Variants in NAA30 observed in about 807,000 individuals in gnomAD.
The protein encoded by NAA30 is N-alpha-acetyltransferase 30, NatC catalytic subunit.
NAA30 carries 5 observed loss-of-function variants against 31.4 expected under a neutral mutation model. That is an observed-to-expected ratio of 0.16 (90% CI 0.08 to 0.33). The LOEUF (loss-of-function observed/expected upper bound fraction) is 0.33. NAA30 is among the 10% of genes least tolerant of loss of function. The pLI is 1.00. For synonymous variants in NAA30, 222 were observed against 207.1 expected (o/e 1.07, Z -0.62); for missense variants, 428 against 490.8 (o/e 0.87, Z 1.21).
intron 4 of NAA30, among the ~76,000 whole-genome samples, chr14:57,402,352 C>T (rs899172703): frequency 1.3e-5 from 2 of 152,178 alleles, no homozygotes; most frequent in African/African-American, 4.8e-5. Flanking sequence ...GAGATGCCTT[C>T]TCTTGTTTGT....
chr14:57,404,118 G>A lies in NAA30; in HGVS notation c.951+4235G>A, dbSNP rs1313804499. On this transcript the variant is annotated intron_variant, in intron 4 of 4. Transcript: ENST00000556492. The stretch of plus-strand genomic sequence containing the variant: ...GGGTGGATCACGAGGTCAGGAGTTC[G>A]AGACCAGCCTGGCCAATATGGTGAA... Among the ~76,000 whole-genome samples, 5 of 152,048 alleles carry A rather than the reference G, an allele frequency of 3.3e-5. No individual in the cohort carries two copies. The East Asian group carries it at 7.7e-4, about 23-fold the overall frequency.
chr14:57,399,970 A>G, intron 4 of NAA30, 87 bp downstream of exon 4: 1 of 682,478 alleles, frequency 1.5e-6, no homozygotes, highest in East Asian at 2.8e-5. Context: ...TTTATTGCAG[A>G]TTTCATTGCA....
At chr14:57,395,055 G>A (rs757357318) in intron 2 of NAA30, among the ~76,000 whole-genome samples, 1 of 152,090 alleles carries the variant, frequency 6.6e-6, no homozygotes, top group Non-Finnish European at 1.5e-5. Flanking sequence ...TTCAGAGTTG[G>A]TCGAGGCGAT....
chr14:57,397,687 G>A (rs1251040424), intron 3 of NAA30, among the ~76,000 whole-genome samples: 2 of 152,220 alleles, frequency 1.3e-5, no homozygotes, highest in African/African-American at 2.4e-5. Flanking sequence ...AGCATTTTGG[G>A]AGGCCAAGGC....
rs144907256 is a variant in NAA30 at position 57,403,096 on chromosome 14, G to A, written c.951+3213G>A. On this transcript the variant is annotated intron_variant, in intron 4 of 4. Transcript: ENST00000556492. ...CTCGGGAGGCTGAGGCAGGAGAATCGCTTGAACCCGAGAGGTGGAAGTTGC... is the reference window on the plus strand; with the variant it reads ...CTCGGGAGGCTGAGGCAGGAGAATCACTTGAACCCGAGAGGTGGAAGTTGC... 1.4e-3 allele frequency among the ~76,000 whole-genome samples: 215 copies of A among 152,232 alleles called. 3 individuals are homozygous for A. The East Asian group carries it at 0.035, about 25-fold the overall frequency.
At chr14:57,392,632 G>A (rs1008316708) in intron 2 of NAA30, among the ~76,000 whole-genome samples, 1 of 152,192 alleles carries the variant, frequency 6.6e-6, no homozygotes, top group Non-Finnish European at 1.5e-5. Flanking sequence ...GACTGCAGGT[G>A]TATGCTTTGT....
chr14:57,401,051 C>T (rs1002307848), intron 4 of NAA30, among the ~76,000 whole-genome samples: 3 of 152,112 alleles, frequency 2.0e-5, no homozygotes, highest in Non-Finnish European at 4.4e-5. Flanking sequence ...CTACTGTTAA[C>T]TGTTTGAAAT....
Position 57,391,174 on chromosome 14 carries a change from C to G in NAA30, c.217C>G (p.Arg73Gly), listed in dbSNP as rs766397098. Reference protein sequence around the residue: ...TVAAKGHPCLRCPQPPQEQQQ... With the variant: ...TVAAKGHPCLGCPQPPQEQQQ... ...GGCGGCCAAGGGGCATCCGTGCCTCCGCTGCCCTCAGCCGCCGCAGGAGCA... is the reference window on the plus strand; with the variant it reads ...GGCGGCCAAGGGGCATCCGTGCCTCGGCTGCCCTCAGCCGCCGCAGGAGCA... Residue 73 changes from arginine to glycine, a missense_variant, in exon 2 of 5, where the codon CGC (arginine) becomes GGC (glycine). Transcript: ENST00000556492. The surrounding 1 kb of genome is among the most constrained non-coding windows in gnomAD (Gnocchi z 4.1). 42 of 1,609,400 alleles carry G rather than the reference C, an allele frequency of 2.6e-5. No individual in the cohort carries two copies. In the Middle Eastern group the frequency reaches 5.2e-4, roughly 20 times the overall value.
intron 4 of NAA30, among the ~76,000 whole-genome samples, chr14:57,402,045 A>G (rs2066479713): frequency 1.3e-5 from 2 of 152,230 alleles, no homozygotes; most frequent in Admixed American, 1.3e-4. Flanking sequence ...TCTCTGGATT[A>G]GATAACTTTG....
In NAA30 at chr14:57,396,743, A is replaced by G. The variant is rs374131653; in HGVS notation, c.772-9A>G. 1.9e-6 allele frequency: 3 copies of G among 1,613,824 alleles called. No homozygotes were observed. The highest frequency in any genetic ancestry group is 2.5e-6 in the Non-Finnish European group (3 of 1,179,812). On this transcript the variant is annotated splice_polypyrimidine_tract_variant and intron_variant, in intron 2 of 4. Coordinates refer to ENST00000556492, the MANE Select transcript of NAA30 (RefSeq NM_001011713.3). ...ATGTATTCTTCATAACTGTTTGTTTATTTTTAAGGCCATGGTAGGGGAGGA... is the reference window on the plus strand; with the variant it reads ...ATGTATTCTTCATAACTGTTTGTTTGTTTTTAAGGCCATGGTAGGGGAGGA...
Position 57,412,047 on chromosome 14 carries a change from A to G in NAA30, c.*2531A>G, listed in dbSNP as rs761227436. On this transcript the variant is annotated 3_prime_UTR_variant, in exon 5 of 5. Transcript: ENST00000556492. Reference sequence around the variant, plus strand: ...TTGGTACTGCTGAACATTTTTATACATGCTACCATGAAGCTATATATGTTA... The same window carrying G: ...TTGGTACTGCTGAACATTTTTATACGTGCTACCATGAAGCTATATATGTTA... 2 of 152,058 alleles carry G rather than the reference A, an allele frequency of 1.3e-5. No individual in the cohort carries two copies. Among genetic ancestry groups the G allele is most frequent in the Non-Finnish European group, 2.9e-5 (2 of 67,988 alleles). 9.4% of individuals were successfully genotyped at this position (152,058 alleles called of 1,614,324 possible). A position where few individuals can be genotyped will look rare whatever the true frequency, so the allele number is the denominator to read the frequency against.
intron 4 of NAA30, among the ~76,000 whole-genome samples, chr14:57,407,070 T>G (rs941613158): frequency 6.6e-6 from 1 of 151,898 alleles, no homozygotes; most frequent in Non-Finnish European, 1.5e-5. Flanking sequence ...ATTTTTAAGG[T>G]TTTTTAGACA....
Position 57,414,287 on chromosome 14 carries a change from T to G in NAA30, c.*4771T>G, listed in dbSNP as rs1259335406. 6.6e-6 allele frequency: 1 copy of G among 152,352 alleles called. No homozygotes were observed. Among genetic ancestry groups the G allele is most frequent in the South Asian group, 2.1e-4 (1 of 4,828 alleles). 9.4% of individuals were successfully genotyped at this position (152,352 alleles called of 1,614,324 possible). A position where few individuals can be genotyped will look rare whatever the true frequency, so the allele number is the denominator to read the frequency against. ...CCTCTGAGCAAGAGTATAGCTGAACTGTTTATACTGACAATATATTTCATT... is the reference window on the plus strand; with the variant it reads ...CCTCTGAGCAAGAGTATAGCTGAACGGTTTATACTGACAATATATTTCATT... On this transcript the variant is annotated 3_prime_UTR_variant, in exon 5 of 5. Coordinates refer to ENST00000556492, the MANE Select transcript of NAA30 (RefSeq NM_001011713.3).
intron 3 of NAA30, among the ~76,000 whole-genome samples, chr14:57,397,873 G>A (rs998652781): frequency 7.9e-5 from 12 of 152,188 alleles, no homozygotes; most frequent in South Asian, 2.1e-4. Context: ...TGCAGTGAGC[G>A]TGCCACTGCA....
Position 57,409,712 on chromosome 14 carries a change from A to G in NAA30, c.*196A>G. ...TGTTCTGAATTAAAAGATTGTTTTAAACTTCAGGAGTTCTTTTGGTACCAA... is the reference window on the plus strand; with the variant it reads ...TGTTCTGAATTAAAAGATTGTTTTAGACTTCAGGAGTTCTTTTGGTACCAA... On this transcript the variant is annotated 3_prime_UTR_variant, in exon 5 of 5. Coordinates refer to ENST00000556492, the MANE Select transcript of NAA30 (RefSeq NM_001011713.3). The G allele has an allele frequency of 2.2e-6, 1 of 460,516 alleles. No homozygotes were observed. Among genetic ancestry groups the G allele is most frequent in the Non-Finnish European group, 3.6e-6 (1 of 277,226 alleles). The allele number at this position is 460,516 out of a possible 1,614,324, so 28.5% of individuals were successfully genotyped here.
In NAA30 at chr14:57,391,368, G is replaced by C; in HGVS notation, c.411G>C (p.Arg137Ser). ...TKGAGVHSGE[R>S]PPHSLSSNAR... ...GAGCCGGGGTACACTCGGGCGAGAG[G>C]CCCCCTCACTCCCTCTCTAGTAATG... Residue 137 changes from arginine to serine, a missense_variant, in exon 2 of 5, where the codon AGG becomes AGC. Physicochemically the swap from Arg to Ser is moderately radical, Grantham distance 110. Around this residue, in one of 2 missense-constraint regions of NAA30, gnomAD observed 349 missense variants for 310.4 expected, o/e 1.12. Transcript: ENST00000556492. The surrounding 1 kb of genome is among the most constrained non-coding windows in gnomAD (Gnocchi z 4.1). 1 of 1,611,320 alleles carries C rather than the reference G, an allele frequency of 6.2e-7. No individual in the cohort carries two copies. Among genetic ancestry groups the C allele is most frequent in the Non-Finnish European group, 8.5e-7 (1 of 1,179,270 alleles).
At chr14:57,401,859 A>G (rs1042592595) in intron 4 of NAA30, among the ~76,000 whole-genome samples, 3 of 152,234 alleles carry the variant, frequency 2.0e-5, no homozygotes, top group Admixed American at 6.5e-5. Context: ...TTCTAAATTA[A>G]TGATATATTT....
intron 3 of NAA30, among the ~76,000 whole-genome samples, chr14:57,397,585 G>A (rs1028072100): frequency 1.3e-5 from 2 of 152,122 alleles, no homozygotes; most frequent in African/African-American, 4.8e-5. Context: ...ACTCTTCTAT[G>A]GCTGGGTTAG....
At chr14:57,397,138 CA>C (rs2066454116) in intron 3 of NAA30, among the ~76,000 whole-genome samples, 2 of 152,014 alleles carry the variant, frequency 1.3e-5, no homozygotes, top group Admixed American at 6.6e-5. Context: ...TTTTTTTAAT[CA>C]CATTCAAAAT....
Sources: allele counts gnomAD v4.1 joint callset (sites outside exome capture counted in the v4.1 genomes callset), GRCh38; gene constraint gnomAD v4.1.1; regional missense constraint gnomAD v4.1.1; non-coding constraint Gnocchi (gnomAD v3.1); transcripts MANE v1.5; gene names NCBI Gene and HGNC (gene_info 2026-07-23, HGNC 2026-07-21).